The following ATXN7L1 variants were observed in gnomAD, a reference collection of about 807,000 sequenced individuals.
ATXN7L1 encodes ataxin 7 like 1.
A neutral mutation model predicts 70.8 loss-of-function variants in ATXN7L1; 15 were observed. That is an observed-to-expected ratio of 0.21 (90% CI 0.14 to 0.33). ATXN7L1 has a LOEUF of 0.33. Among genes scored for constraint, ATXN7L1 ranks in the 10% least tolerant of loss-of-function variants. ATXN7L1 has a pLI of 1.00. For synonymous variants in ATXN7L1, 440 were observed against 445.1 expected, an observed-to-expected ratio of 0.99 and a Z score of 0.14; for missense variants, 975 against 1,097.1, an observed-to-expected ratio of 0.89 and a Z score of 1.57.
intron 3 of ATXN7L1, among the ~76,000 whole-genome samples, chr7:105,670,662 A>T (rs1369151636): frequency 6.8e-5 from 3 of 44,062 alleles, no homozygotes; most frequent in Non-Finnish European, 2.0e-4. Flanking sequence ...ATTTATCTTT[A>T]AAAAAAAAAA....
chr7:105,648,515 C>A (rs1799396446), intron 4 of ATXN7L1, among the ~76,000 whole-genome samples: 1 of 152,336 alleles, frequency 6.6e-6, no homozygotes, highest in South Asian at 2.1e-4. Context: ...CAGGATAGTG[C>A]CACAGAATCT....
Position 105,610,585 on chromosome 7 carries a change from G to C in ATXN7L1, c.2491C>G (p.Leu831Val). The change falls in exon 11 of 12, where the codon CTA becomes GTA. Residue 831 changes from leucine to valine, a missense_variant. Coordinates refer to ENST00000419735, the MANE Select transcript of ATXN7L1 (RefSeq NM_020725.2). ...SSRQVGKNSS[L>V]ALSQSSPSSI... ...GAAGGACTGGATTGTGACAAAGCTA[G>C]GCTGCTATTTTTCCCAACCTGAAAG... 6.4e-7 allele frequency: 1 copy of C among 1,551,476 alleles called. No homozygotes were observed. The highest frequency in any genetic ancestry group is 8.7e-7 in the Non-Finnish European group (1 of 1,146,970).
chr7:105,776,420 C>T (rs1367649246), intron 3 of ATXN7L1, among the ~76,000 whole-genome samples: 1 of 152,106 alleles, frequency 6.6e-6, no homozygotes, highest in Non-Finnish European at 1.5e-5. Flanking sequence ...GAGCCAATTT[C>T]CCTTCCTTGC....
intron 2 of ATXN7L1, among the ~76,000 whole-genome samples, chr7:105,853,369 A>G (rs977033742): frequency 1.3e-5 from 2 of 152,338 alleles, no homozygotes; most frequent in African/African-American, 4.8e-5. Context: ...CCTGGCCAAC[A>G]TGGTGAAACC....
At chr7:105,833,689 C>CA (rs1207497122) in intron 2 of ATXN7L1, among the ~76,000 whole-genome samples, 1 of 151,996 alleles carries the variant, frequency 6.6e-6, no homozygotes, top group African/African-American at 2.4e-5. Flanking sequence ...TTCCTCAAAA[C>CA]AAAAAACCAA....
At chr7:105,849,331 C>G (rs1163755546) in intron 2 of ATXN7L1, among the ~76,000 whole-genome samples, 1 of 152,220 alleles carries the variant, frequency 6.6e-6, no homozygotes, top group Non-Finnish European at 1.5e-5. Flanking sequence ...GGGGAGGGCT[C>G]TGGCAAGAAG....
rs767861563 is a variant in ATXN7L1, at chr7:105,642,964, T to A, written c.736A>T (p.Met246Leu). ...GGTGAAGGTGGCACTGACTTGGACA[T>A]CAGGACAGGCTTAATTAAAGGAGGG... Reference protein sequence around the residue: ...STPPLIKPVLMSKSVPPSPEK... With the variant: ...STPPLIKPVLLSKSVPPSPEK... Residue 246 changes from methionine (M) to leucine (L), a missense_variant, in exon 5 of 12, where the codon ATG becomes TTG. Physicochemically the swap from Met to Leu is conservative, Grantham distance 15 (BLOSUM62 2). Coordinates refer to ENST00000419735, the MANE Select transcript of ATXN7L1 (RefSeq NM_020725.2). 4.5e-6 allele frequency: 7 copies of A among 1,551,662 alleles called. No homozygotes were observed. The East Asian group carries it at 1.5e-4, about 33-fold the overall frequency.
In ATXN7L1 at chr7:105,788,601, T is replaced by TA; in HGVS notation, c.355+2dup. ...GTGGCCGACGGTGCAGGGGTCCACT[T>TA]ACCGCAGTGCGACTGGAAAACCTGT... On this transcript the variant is annotated splice_region_variant and intron_variant, in intron 3 of 11. Transcript: ENST00000419735. 6.2e-7 allele frequency: 1 copy of TA among 1,605,430 alleles called. No homozygotes were observed. The highest frequency in any genetic ancestry group is 8.5e-7 in the Non-Finnish European group (1 of 1,172,154).
chr7:105,855,574 A>G lies in ATXN7L1; in HGVS notation c.250+20238T>C, dbSNP rs1247920929. ...ATCATCACATACTACAAATCAGGGC[A>G]TGATTTATTATTTTTTTGATTATCA... On this transcript the variant is annotated intron_variant, in intron 2 of 11. Coordinates refer to ENST00000419735, the MANE Select transcript of ATXN7L1 (RefSeq NM_020725.2). Among the ~76,000 whole-genome samples, 3 of 152,240 alleles carry G rather than the reference A, an allele frequency of 2.0e-5. No homozygotes were observed. The East Asian group carries it at 5.8e-4, about 29-fold the overall frequency.
chr7:105,790,249 T>C (rs572901689), intron 2 of ATXN7L1, among the ~76,000 whole-genome samples: 1 of 152,308 alleles, frequency 6.6e-6, no homozygotes, highest in East Asian at 1.9e-4. Flanking sequence ...CACATAACTC[T>C]GAGAACAGAC....
chr7:105,725,002 T>G (rs563374791), intron 3 of ATXN7L1, among the ~76,000 whole-genome samples: 1 of 152,064 alleles, frequency 6.6e-6, no homozygotes, highest in Admixed American at 6.6e-5. Context: ...TGACTTCTTT[T>G]ATTGGTGCCC....
chr7:105,815,193 A>G (rs1448095380), intron 2 of ATXN7L1, among the ~76,000 whole-genome samples: 1 of 152,178 alleles, frequency 6.6e-6, no homozygotes, highest in Non-Finnish European at 1.5e-5. Context: ...ACCAGGTATT[A>G]TGGAGCGAAG....
intron 4 of ATXN7L1, among the ~76,000 whole-genome samples, chr7:105,657,124 G>A (rs979368923): frequency 6.6e-6 from 1 of 152,158 alleles, no homozygotes; most frequent in African/African-American, 2.4e-5. Flanking sequence ...AGTAGGGGGC[G>A]ATACAGAGTT....
At chr7:105,664,575 G>GTGTGTGTGTGTATATATATA in intron 4 of ATXN7L1, among the ~76,000 whole-genome samples, 1 of 131,990 alleles carries the variant, frequency 7.6e-6, no homozygotes, top group African/African-American at 2.8e-5. Flanking sequence ...GTATGTGTGT[G>GTGTGTGTGTGTATATATATA]TATATATATA....
chr7:105,658,161 T>C (rs972149170), intron 4 of ATXN7L1, among the ~76,000 whole-genome samples: 8 of 150,570 alleles, frequency 5.3e-5, no homozygotes, highest in African/African-American at 9.8e-5. Context: ...CATTGTAGAG[T>C]GAACTAACAC....
intron 2 of ATXN7L1, among the ~76,000 whole-genome samples, chr7:105,816,579 C>G (rs1809231113): frequency 1.3e-5 from 2 of 152,220 alleles, no homozygotes; most frequent in Admixed American, 1.3e-4. Context: ...CCTTTCCCCA[C>G]AGCCCTCAGG....
At chr7:105,735,631 C>T (rs529068539) in intron 3 of ATXN7L1, among the ~76,000 whole-genome samples, 19 of 152,214 alleles carry the variant, frequency 1.2e-4, no homozygotes, top group South Asian at 4.2e-4. Context: ...ATTAATATCC[C>T]GTTAATCCTG....
At chr7:105,872,140 G>A (rs940967681) in intron 2 of ATXN7L1, among the ~76,000 whole-genome samples, 42 of 152,040 alleles carry the variant, frequency 2.8e-4, no homozygotes, top group Admixed American at 6.5e-4. Flanking sequence ...CTACAGGTGC[G>A]TGCCACCACG....
intron 3 of ATXN7L1, among the ~76,000 whole-genome samples, chr7:105,757,653 C>G (rs1799975094): frequency 6.8e-6 from 1 of 146,404 alleles, no homozygotes. Flanking sequence ...GGTCACAGCT[C>G]ACTACAGCCT....
Sources: allele counts gnomAD v4.1 joint callset (sites outside exome capture counted in the v4.1 genomes callset), GRCh38; gene constraint gnomAD v4.1.1; transcripts MANE v1.5; gene names NCBI Gene and HGNC (gene_info 2026-07-23, HGNC 2026-07-21).